AKT3: variants seen among roughly 807,000 people sequenced by gnomAD.
The protein encoded by AKT3 is RAC-gamma serine/threonine-protein kinase.
A neutral mutation model predicts 65.3 loss-of-function variants in AKT3; 15 were observed. The ratio of observed to expected loss-of-function variants is 0.23; its 90% CI spans 0.15 to 0.35. AKT3 has a LOEUF of 0.35. Ranked by LOEUF, AKT3 falls within the 10% of genes least tolerant of loss-of-function variation. The pLI, the probability that AKT3 is intolerant of heterozygous loss-of-function variation, is 1.00. For missense variants in AKT3, 243 were observed against 576.5 expected (o/e 0.42, Z 5.92); for synonymous variants, 206 against 183.8 (o/e 1.12, Z -0.98).
intron 4 of AKT3, among the ~76,000 whole-genome samples, chr1:243,649,379 T>C (rs1681119074): frequency 6.7e-6 from 1 of 148,338 alleles, no homozygotes; most frequent in East Asian, 1.9e-4. Context: ...TGTGTGTGTG[T>C]ATATATATAT....
intron 8 of AKT3, among the ~76,000 whole-genome samples, chr1:243,608,908 A>G (rs886922931): frequency 2.6e-5 from 4 of 151,442 alleles, no homozygotes; most frequent in Non-Finnish European, 5.9e-5. Context: ...ATCCACCACC[A>G]TGCCCGGCTA....
chr1:243,786,172 C>A (rs1260455909), intron 2 of AKT3, among the ~76,000 whole-genome samples: 1 of 152,132 alleles, frequency 6.6e-6, no homozygotes, highest in Non-Finnish European at 1.5e-5. Context: ...ATGCACTGAC[C>A]TAAGGTTATC....
chr1:243,733,316 G>A (rs369198378), intron 2 of AKT3, among the ~76,000 whole-genome samples: 169 of 152,300 alleles, frequency 1.1e-3, no homozygotes, highest in African/African-American at 3.9e-3. Context: ...TGACTCATAA[G>A]AGACCTCAAT....
At chr1:243,656,145 C>CCAAA (rs1681774115) in intron 4 of AKT3, among the ~76,000 whole-genome samples, 1 of 151,842 alleles carries the variant, frequency 6.6e-6, no homozygotes, top group African/African-American at 2.4e-5. Flanking sequence ...AAGTATCAGG[C>CCAAA]CAAAGTACCT....
intron 8 of AKT3, among the ~76,000 whole-genome samples, chr1:243,611,911 G>C (rs1677900016): frequency 6.6e-6 from 1 of 152,090 alleles, no homozygotes; most frequent in Admixed American, 6.5e-5. Flanking sequence ...CTAAGTGCTA[G>C]ATCATCCATA....
intron 1 of AKT3, among the ~76,000 whole-genome samples, chr1:243,846,253 T>G (rs1695518318): frequency 6.6e-6 from 1 of 152,142 alleles, no homozygotes; most frequent in Admixed American, 6.5e-5. Flanking sequence ...AGTCAGAAGC[T>G]TTCTAATATA....
intron 2 of AKT3, among the ~76,000 whole-genome samples, chr1:243,741,064 A>C (rs12124113): frequency 1.6e-4 from 24 of 152,196 alleles, no homozygotes; most frequent in African/African-American, 5.5e-4. Context: ...TGGGAAATTT[A>C]TATCATTAAT....
At chr1:243,747,131 C>T (rs1468437709) in intron 2 of AKT3, among the ~76,000 whole-genome samples, 1 of 151,994 alleles carries the variant, frequency 6.6e-6, no homozygotes, top group Non-Finnish European at 1.5e-5. Context: ...GAGGTTAAGG[C>T]CTTTGGGGAT....
intron 2 of AKT3, among the ~76,000 whole-genome samples, chr1:243,721,869 C>T (rs1686935154): frequency 6.6e-6 from 1 of 151,870 alleles, no homozygotes; most frequent in African/African-American, 2.4e-5. Flanking sequence ...GTGAGATTAC[C>T]CTACAGATAA....
intron 5 of AKT3, among the ~76,000 whole-genome samples, chr1:243,644,219 G>A (rs1680642776): frequency 6.6e-6 from 1 of 151,978 alleles, no homozygotes; most frequent in Admixed American, 6.5e-5. Flanking sequence ...ACAAAATTAT[G>A]CAGATATTCT....
At chr1:243,493,261 G>A (rs931558841) in intron 13 of AKT3, among the ~76,000 whole-genome samples, 3 of 151,932 alleles carry the variant, frequency 2.0e-5, no homozygotes, top group Non-Finnish European at 4.4e-5. Flanking sequence ...GAGGGTGGTG[G>A]GTCTCAGGGG....
At chr1:243,732,824 G>C (rs1687640292) in intron 2 of AKT3, among the ~76,000 whole-genome samples, 1 of 152,196 alleles carries the variant, frequency 6.6e-6, no homozygotes, top group African/African-American at 2.4e-5. Context: ...AGAATAGACT[G>C]CAAATTTATT....
At chr1:243,835,351 A>C (rs1158043846) in intron 2 of AKT3, among the ~76,000 whole-genome samples, 1 of 152,160 alleles carries the variant, frequency 6.6e-6, no homozygotes, top group African/African-American at 2.4e-5. Flanking sequence ...GGAGAAAGTG[A>C]GGATCTTAAA....
intron 5 of AKT3, among the ~76,000 whole-genome samples, chr1:243,639,719 C>T (rs1680232509): frequency 1.3e-5 from 2 of 152,126 alleles, no homozygotes; most frequent in Admixed American, 1.3e-4. Flanking sequence ...GTAATCCACC[C>T]CTTGTTTAGC....
chr1:243,721,135 A>G (rs981172414), intron 2 of AKT3, among the ~76,000 whole-genome samples: 1 of 152,162 alleles, frequency 6.6e-6, no homozygotes, highest in African/African-American at 2.4e-5. Context: ...AGCCAGCCAT[A>G]AAAACTACAA....
intron 8 of AKT3, among the ~76,000 whole-genome samples, chr1:243,580,381 G>C (rs915392807): frequency 6.6e-6 from 1 of 152,176 alleles, no homozygotes; most frequent in Non-Finnish European, 1.5e-5. Flanking sequence ...GAGTGGCCTG[G>C]AGTCACTGTG....
chr1:243,652,136 C>A (rs1681391348), intron 4 of AKT3, among the ~76,000 whole-genome samples: 1 of 151,728 alleles, frequency 6.6e-6, no homozygotes. Flanking sequence ...GCAACCTCTG[C>A]CTCCTGGGTT....
chr1:243,639,115 A>C (rs1224139065), intron 5 of AKT3, among the ~76,000 whole-genome samples: 1 of 152,192 alleles, frequency 6.6e-6, no homozygotes, highest in African/African-American at 2.4e-5. Flanking sequence ...TTTGACAATA[A>C]AATTGACACC....
At position 243,503,635 on chromosome 1, in the gene AKT3, T is replaced by C. The variant is rs1669479367; in HGVS notation, c.*1614A>G. ...ATGAAGGAGAAAGATGAGGTTTGCA[T>C]ACATGCCCCCTTTCAGTGAGAAATG... On this transcript the variant is annotated 3_prime_UTR_variant, in exon 14 of 14. Transcript: ENST00000673466. The C allele has an allele frequency of 4.3e-6, 1 of 232,186 alleles. No homozygotes were observed. The highest frequency in any genetic ancestry group is 8.5e-6 in the Non-Finnish European group (1 of 117,228). 14.4% of individuals were successfully genotyped at this position (232,186 alleles called of 1,614,324 possible).
Sources: gnomAD v4.1 joint callset for allele counts (sites outside exome capture counted in the v4.1 genomes callset) on GRCh38, gnomAD v4.1.1 for gene constraint, MANE v1.5 for transcripts, NCBI Gene and HGNC (gene_info 2026-07-23, HGNC 2026-07-21) for gene names.